Variants in CSMD3 observed in about 807,000 individuals in gnomAD.
The protein encoded by CSMD3 is CUB and Sushi multiple domains 3, also known as CUB and sushi domain-containing protein 3.
In CSMD3, 177 loss-of-function variants were observed where a neutral mutation model predicts 435.2. The ratio of observed to expected loss-of-function variants is 0.41; its 90% CI spans 0.36 to 0.46. CSMD3 has a LOEUF of 0.46. CSMD3 is among the 20% of genes least tolerant of loss of function. The probability of loss-of-function intolerance (pLI) is 0.34; values close to 1 mark genes in which losing one functional copy is unlikely to be tolerated. For synonymous variants in CSMD3, 1,656 were observed against 1,520.5 expected, an observed-to-expected ratio of 1.09 and a Z score of -2.07; for missense variants, 4,265 against 4,504.6, an observed-to-expected ratio of 0.95 and a Z score of 1.52.
chr8:113,283,411 A>G (rs1167662735), intron 2 of CSMD3, among the ~76,000 whole-genome samples: 1 of 152,102 alleles, frequency 6.6e-6, no homozygotes, highest in Non-Finnish European at 1.5e-5. Context: ...CCCATCAAAA[A>G]GTGGGCTAAG....
At chr8:113,060,469 A>T (rs2088565197) in intron 5 of CSMD3, among the ~76,000 whole-genome samples, 2 of 151,970 alleles carry the variant, frequency 1.3e-5, no homozygotes, top group African/African-American at 4.8e-5. Flanking sequence ...GTCAAGGTTT[A>T]TGTGGAACTG....
intron 32 of CSMD3, among the ~76,000 whole-genome samples, chr8:112,414,337 T>G (rs1417434459): frequency 6.6e-6 from 1 of 151,978 alleles, no homozygotes; most frequent in Non-Finnish European, 1.5e-5. Flanking sequence ...AGTGAATGAG[T>G]TCTCATGAAA....
chr8:112,951,045 G>A (rs956523248), intron 8 of CSMD3, among the ~76,000 whole-genome samples: 16 of 151,824 alleles, frequency 1.1e-4, no homozygotes, highest in African/African-American at 3.9e-4. Flanking sequence ...GATAATGAGA[G>A]AGCTTCTGTG....
chr8:113,210,460 CAATAAT>C (rs1168026784), intron 3 of CSMD3, among the ~76,000 whole-genome samples: 1 of 151,994 alleles, frequency 6.6e-6, no homozygotes, highest in African/African-American at 2.4e-5. Context: ...CGAAAAATAT[CAATAAT>C]AATAATAGCA....
At chr8:112,374,746 C>T (rs1828778435) in intron 38 of CSMD3, among the ~76,000 whole-genome samples, 1 of 152,154 alleles carries the variant, frequency 6.6e-6, no homozygotes, top group Non-Finnish European at 1.5e-5. Context: ...TAAAAAGTTG[C>T]TGATTATAAT....
intron 67 of CSMD3, 36 bp downstream of exon 67, chr8:112,237,154 T>C (rs781448646): frequency 5.6e-6 from 9 of 1,598,272 alleles, no homozygotes; most frequent in Non-Finnish European, 6.9e-6. Context: ...AATAAAGTCA[T>C]GAAGGTATAT....
chr8:112,468,809 T>C (rs1818234125), intron 32 of CSMD3, among the ~76,000 whole-genome samples: 1 of 152,026 alleles, frequency 6.6e-6, no homozygotes, highest in Admixed American at 6.6e-5. Flanking sequence ...ATATGTAGAA[T>C]AAGGAGAGTA....
chr8:112,594,108 G>C (rs1356898393), intron 22 of CSMD3, among the ~76,000 whole-genome samples: 3 of 152,254 alleles, frequency 2.0e-5, no homozygotes, highest in East Asian at 3.9e-4. Context: ...CTGAGGTACC[G>C]GGTTCATCTC....
At chr8:113,363,748 A>G (rs2094293153) in intron 1 of CSMD3, among the ~76,000 whole-genome samples, 2 of 152,204 alleles carry the variant, frequency 1.3e-5, no homozygotes, top group African/African-American at 4.8e-5. Flanking sequence ...CGCTTAACTT[A>G]ATCATATCTA....
In CSMD3 at chr8:112,876,358, C is replaced by T. The variant is rs2081281630; in HGVS notation, c.1634-17092G>A. Among the ~76,000 whole-genome samples the T allele has an allele frequency of 4.2e-5, 5 of 119,436 alleles. 1 individual carries two copies. The South Asian group carries it at 1.5e-3, about 36-fold the overall frequency. 78.4% of individuals were successfully genotyped at this position (119,436 alleles called of 152,430 possible). ...GCCAGCATCATCCTGATACCAAAAC[C>T]TGGCAGAGACACAACAAAAAAAAAG... On this transcript the variant is annotated intron_variant, in intron 10 of 70. Coordinates refer to ENST00000297405, the MANE Select transcript of CSMD3 (RefSeq NM_198123.2).
At chr8:112,386,473 A>C (rs1325560131) in intron 36 of CSMD3, among the ~76,000 whole-genome samples, 1 of 152,206 alleles carries the variant, frequency 6.6e-6, no homozygotes, top group African/African-American at 2.4e-5. Flanking sequence ...TCACTATGAC[A>C]GAAGACACAT....
intron 16 of CSMD3, among the ~76,000 whole-genome samples, chr8:112,670,848 A>C (rs768908567): frequency 6.6e-5 from 10 of 152,202 alleles, no homozygotes; most frequent in Non-Finnish European, 1.5e-4. Context: ...GATTTTCAAA[A>C]TTGGTTGATG....
chr8:112,783,436 A>C (rs879519978), intron 13 of CSMD3, among the ~76,000 whole-genome samples: 1 of 75,090 alleles, frequency 1.3e-5, no homozygotes, highest in Non-Finnish European at 2.5e-5. Context: ...GAAGGAAGGA[A>C]GGAAGGAAGG....
At chr8:113,188,765 T>G (rs1342900592) in intron 3 of CSMD3, among the ~76,000 whole-genome samples, 1 of 151,922 alleles carries the variant, frequency 6.6e-6, no homozygotes, top group Non-Finnish European at 1.5e-5. Context: ...CTTCGAATCC[T>G]ATCTCTGCCA....
chr8:112,261,910 A>G (rs1250508311), intron 61 of CSMD3, among the ~76,000 whole-genome samples: 1 of 150,980 alleles, frequency 6.6e-6, no homozygotes, highest in Non-Finnish European at 1.5e-5. Context: ...TTTATTTTAG[A>G]AAAAAAAATA....
intron 11 of CSMD3, among the ~76,000 whole-genome samples, chr8:112,838,430 A>G (rs1373523857): frequency 1.3e-5 from 2 of 151,754 alleles, no homozygotes; most frequent in African/African-American, 4.8e-5. Context: ...AGCAGGGACA[A>G]TCTGGATTTG....
chr8:112,263,639 G>T lies in CSMD3; in HGVS notation c.9862C>A (p.Pro3288Thr), dbSNP rs201906108. 1 of 1,612,640 alleles carries T rather than the reference G, an allele frequency of 6.2e-7. No homozygotes were observed. The highest frequency in any genetic ancestry group is 8.5e-7 in the Non-Finnish European group (1 of 1,179,094). ...AGTTGTTAGTAGAAATCATACTTAC[G>T]TAAGCACTGCGGTACTTCACCACTC... The part of the protein sequence containing the change: ...TWSGEVPQCL[P>T]KFCGDPGIPA... The change falls in exon 61 of 71, where the codon CCA becomes ACA. Residue 3288 changes from proline (P) to threonine (T), a missense_variant and splice_region_variant. Coordinates refer to ENST00000297405, the MANE Select transcript of CSMD3 (RefSeq NM_198123.2).
intron 11 of CSMD3, among the ~76,000 whole-genome samples, chr8:112,852,885 G>C (rs1266389308): frequency 1.3e-5 from 2 of 151,564 alleles, no homozygotes; most frequent in Non-Finnish European, 1.5e-5. Context: ...TCGTGCCACT[G>C]TACTCCAGCC....
At chr8:113,242,172 A>G (rs934262511) in intron 3 of CSMD3, among the ~76,000 whole-genome samples, 3 of 151,948 alleles carry the variant, frequency 2.0e-5, no homozygotes, top group African/African-American at 7.2e-5. Flanking sequence ...AAAACAAAAA[A>G]TTGTATGGTA....
Sources: allele counts gnomAD v4.1 joint callset (sites outside exome capture counted in the v4.1 genomes callset), GRCh38; gene constraint gnomAD v4.1.1; transcripts MANE v1.5; gene names NCBI Gene and HGNC (gene_info 2026-07-23, HGNC 2026-07-21).